DLG2: variants seen among roughly 807,000 people sequenced by gnomAD.
DLG2 encodes the protein discs large MAGUK scaffold protein 2, also known as disks large homolog 2.
DLG2 carries 45 observed loss-of-function variants against 132.5 expected under a neutral mutation model. That is an observed-to-expected ratio of 0.34 (90% CI 0.27 to 0.44). DLG2 has a LOEUF of 0.44. Among genes scored for constraint, DLG2 ranks in the 20% least tolerant of loss-of-function variants. DLG2 has a pLI of 1.00. For missense variants in DLG2, 1,045 were observed against 1,196.9 expected (o/e 0.87, Z 1.87); for synonymous variants, 424 against 419.6 (o/e 1.01, Z -0.13).
chr11:83,779,909 C>A (rs1046697950), intron 18 of DLG2, among the ~76,000 whole-genome samples: 18 of 152,174 alleles, frequency 1.2e-4, no homozygotes, highest in African/African-American at 4.3e-4. Context: ...GCTTCTATCT[C>A]ACCTAAGTTG....
At chr11:85,525,324 A>G (rs2074660756) in intron 3 of DLG2, among the ~76,000 whole-genome samples, 1 of 152,224 alleles carries the variant, frequency 6.6e-6, no homozygotes, top group Non-Finnish European at 1.5e-5. Flanking sequence ...ATTGTATTTG[A>G]TGTAAAATGT....
chr11:84,768,838 C>T lies in DLG2; in HGVS notation c.358-234107G>A, dbSNP rs568499022. Among the ~76,000 whole-genome samples the T allele has an allele frequency of 2.4e-4, 37 of 152,062 alleles. No homozygotes were observed. In the South Asian group the frequency reaches 7.5e-3, roughly 31 times the overall value. Reference sequence around the variant, plus strand: ...GCTCCTACCCTCTCCAAGAATCTCTCCTTTCCCAGAAATCTCTCTCTAGGC... The same window carrying T: ...GCTCCTACCCTCTCCAAGAATCTCTTCTTTCCCAGAAATCTCTCTCTAGGC... On this transcript the variant is annotated intron_variant, in intron 6 of 27. Coordinates refer to ENST00000376104, the MANE Select transcript of DLG2 (RefSeq NM_001142699.3).
intron 9 of DLG2, among the ~76,000 whole-genome samples, chr11:84,142,521 A>G (rs1239629787): frequency 6.6e-6 from 1 of 152,136 alleles, no homozygotes; most frequent in Non-Finnish European, 1.5e-5. Context: ...CAAATAGCTG[A>G]TAATAACATT....
chr11:83,484,548 T>TTCA (rs1017773635), intron 21 of DLG2, among the ~76,000 whole-genome samples: 4 of 152,170 alleles, frequency 2.6e-5, no homozygotes, highest in African/African-American at 9.6e-5. Context: ...GTCTTGCTAG[T>TTCA]TCATCACCTT....
chr11:85,233,580 T>C (rs1229826030), intron 4 of DLG2, among the ~76,000 whole-genome samples: 1 of 151,868 alleles, frequency 6.6e-6, no homozygotes, highest in Non-Finnish European at 1.5e-5. Flanking sequence ...GTCAATGTAC[T>C]AATTAGATTT....
chr11:83,948,506 T>G (rs906971941), intron 14 of DLG2, among the ~76,000 whole-genome samples: 7 of 151,744 alleles, frequency 4.6e-5, no homozygotes, highest in Non-Finnish European at 8.8e-5. Context: ...GGCAACCACA[T>G]AAAACTTTAG....
chr11:83,843,641 T>C (rs1366120911), intron 16 of DLG2, among the ~76,000 whole-genome samples: 3 of 151,288 alleles, frequency 2.0e-5, no homozygotes, highest in African/African-American at 7.3e-5. Flanking sequence ...TTGGGAAAAA[T>C]GATACTGAGT....
At chr11:85,125,509 A>G (rs2074981514) in intron 5 of DLG2, among the ~76,000 whole-genome samples, 1 of 152,200 alleles carries the variant, frequency 6.6e-6, no homozygotes, top group African/African-American at 2.4e-5. Context: ...AGCCCTATAT[A>G]AGTGCATTGC....
chr11:84,625,043 G>A (rs919351945), intron 6 of DLG2, among the ~76,000 whole-genome samples: 4 of 149,406 alleles, frequency 2.7e-5, no homozygotes, highest in African/African-American at 1.0e-4. Flanking sequence ...TGTATTTTTA[G>A]TAGAGACGGG....
intron 6 of DLG2, among the ~76,000 whole-genome samples, chr11:84,630,171 C>A (rs1156990703): frequency 6.6e-6 from 1 of 152,130 alleles, no homozygotes; most frequent in Non-Finnish European, 1.5e-5. Context: ...TTAACGCCAC[C>A]CAAGACCATC....
At chr11:83,636,134 C>T (rs1031900424) in intron 18 of DLG2, among the ~76,000 whole-genome samples, 1 of 152,176 alleles carries the variant, frequency 6.6e-6, no homozygotes, top group African/African-American at 2.4e-5. Context: ...GGAGATCCCA[C>T]CTTCCAGCTG....
At chr11:84,039,289 T>C (rs907548470) in intron 11 of DLG2, among the ~76,000 whole-genome samples, 67 of 151,132 alleles carry the variant, frequency 4.4e-4, no homozygotes, top group African/African-American at 1.5e-3. Flanking sequence ...TACATATGTA[T>C]ACATGTGCCA....
At chr11:85,395,955 GCCT>G (rs1031000854) in intron 3 of DLG2, among the ~76,000 whole-genome samples, 1 of 152,314 alleles carries the variant, frequency 6.6e-6, no homozygotes, top group Non-Finnish European at 1.5e-5. Flanking sequence ...CAAACAGACT[GCCT>G]CCTCAAGTGA....
intron 6 of DLG2, among the ~76,000 whole-genome samples, chr11:85,103,827 A>G (rs1487708542): frequency 1.3e-5 from 2 of 151,970 alleles, no homozygotes. Flanking sequence ...CATATCTGAT[A>G]AGGGACTAAT....
At chr11:83,605,268 C>T (rs1336960415) in intron 19 of DLG2, among the ~76,000 whole-genome samples, 1 of 152,160 alleles carries the variant, frequency 6.6e-6, no homozygotes, top group Non-Finnish European at 1.5e-5. Context: ...CTGCCTGATT[C>T]ATGAATGAAA....
chr11:84,181,818 G>T (rs950618809), intron 8 of DLG2, among the ~76,000 whole-genome samples: 77 of 152,138 alleles, frequency 5.1e-4, no homozygotes, highest in African/African-American at 1.8e-3. Context: ...AGTCAATACT[G>T]GGAGAAGATG....
intron 3 of DLG2, among the ~76,000 whole-genome samples, chr11:85,381,339 C>T (rs996029672): frequency 2.0e-5 from 3 of 152,056 alleles, no homozygotes; most frequent in Admixed American, 6.6e-5. Context: ...TATAACAGAT[C>T]CAGCCTCTTC....
rs1190697173 is a variant in DLG2, at chr11:84,934,510, TTTTTGTTTTGTTTTG to T, written c.357+177136_357+177150del. 3.8e-4 allele frequency among the ~76,000 whole-genome samples: 30 copies of T among 79,324 alleles called. 1 individual carries two copies. Among genetic ancestry groups the T allele is most frequent in the African/African-American group, 7.1e-4 (10 of 13,990 alleles). 52.0% of individuals were successfully genotyped at this position (79,324 alleles called of 152,430 possible). On this transcript the variant is annotated intron_variant, in intron 6 of 27. Transcript: ENST00000376104. ...AATCTGTATGGTCCTGGGTGTTTTT[TTTTTGTTTTGTTTTG>T]TTTTTTTTTTTTTTTTTTTTTGGTG...
chr11:83,513,128 A>C (rs999560402), intron 21 of DLG2, among the ~76,000 whole-genome samples: 6 of 152,222 alleles, frequency 3.9e-5, no homozygotes, highest in Non-Finnish European at 8.8e-5. Flanking sequence ...ACAATGGTTG[A>C]ACCAGTTTAT....
Sources: gnomAD v4.1 joint callset for allele counts (sites outside exome capture counted in the v4.1 genomes callset) on GRCh38, gnomAD v4.1.1 for gene constraint, MANE v1.5 for transcripts, NCBI Gene and HGNC (gene_info 2026-07-23, HGNC 2026-07-21) for gene names.